BBS9: variants seen among roughly 807,000 people sequenced by gnomAD.
BBS9 encodes the protein protein PTHB1.
BBS9 carries 89 observed loss-of-function variants against 117.7 expected under a neutral mutation model. That is an observed-to-expected ratio of 0.76 (90% CI 0.64 to 0.90). BBS9 has a LOEUF of 0.90. Ranked by LOEUF, BBS9 falls within the 40% of genes least tolerant of loss-of-function variation. The probability of loss-of-function intolerance (pLI) is 0.00; values close to 1 mark genes in which losing one functional copy is unlikely to be tolerated. For missense variants in BBS9, 982 were observed against 1,042.2 expected (o/e 0.94, Z 0.80); for synonymous variants, 379 against 370.9 (o/e 1.02, Z -0.25).
At chr7:33,623,537 G>A (rs2129224238) in intron 21 of BBS9, among the ~76,000 whole-genome samples, 1 of 152,112 alleles carries the variant, frequency 6.6e-6, no homozygotes, top group Non-Finnish European at 1.5e-5. Context: ...GTATAACTTA[G>A]AGAAAATCTT....
chr7:33,512,753 A>T (rs896668781), intron 20 of BBS9, among the ~76,000 whole-genome samples: 13 of 152,294 alleles, frequency 8.5e-5, no homozygotes, highest in Non-Finnish European at 1.0e-4. Flanking sequence ...TAAAAGCAGC[A>T]CGCCCGCTGT....
chr7:33,528,298 C>T (rs1162503034), intron 20 of BBS9, among the ~76,000 whole-genome samples: 1 of 152,066 alleles, frequency 6.6e-6, no homozygotes. Context: ...GCCACAAAAT[C>T]TCCATTTGTT....
intron 21 of BBS9, among the ~76,000 whole-genome samples, chr7:33,541,309 A>G (rs891086821): frequency 1.3e-5 from 2 of 152,076 alleles, no homozygotes; most frequent in African/African-American, 2.4e-5. Flanking sequence ...TACTCTCCAT[A>G]TTCAGCCAGT....
chr7:33,305,203 T>C (rs1218765061), intron 9 of BBS9, among the ~76,000 whole-genome samples: 2 of 152,038 alleles, frequency 1.3e-5, no homozygotes, highest in Admixed American at 6.5e-5. Context: ...AGATGTATCA[T>C]ATTGATCATT....
chr7:33,204,406 C>CAAA (rs569185367), intron 5 of BBS9, among the ~76,000 whole-genome samples: 3,411 of 133,930 alleles, frequency 0.025, 170 homozygotes, highest in African/African-American at 0.088. Flanking sequence ...GACTCCATCT[C>CAAA]AAAAAAAAAA....
intron 19 of BBS9, among the ~76,000 whole-genome samples, chr7:33,493,373 G>A (rs756320922): frequency 5.2e-4 from 79 of 152,100 alleles, no homozygotes; most frequent in Admixed American, 1.2e-3. Flanking sequence ...CACACTTGAT[G>A]TGGCACACTA....
chr7:33,259,088 T>C (rs895250152), intron 6 of BBS9, among the ~76,000 whole-genome samples: 8 of 152,222 alleles, frequency 5.3e-5, no homozygotes, highest in African/African-American at 1.7e-4. Context: ...TCAACTTTAA[T>C]AGATTATATT....
intron 21 of BBS9, among the ~76,000 whole-genome samples, chr7:33,601,503 A>G (rs2129200534): frequency 6.6e-6 from 1 of 152,238 alleles, no homozygotes; most frequent in African/African-American, 2.4e-5. Context: ...TTAACCTTAA[A>G]TTTTTAACAA....
At chr7:33,168,847 A>T (rs1282780367) in intron 4 of BBS9, among the ~76,000 whole-genome samples, 1 of 152,106 alleles carries the variant, frequency 6.6e-6, no homozygotes, top group Non-Finnish European at 1.5e-5. Flanking sequence ...TTTAGGGTAC[A>T]TGTGCACATT....
intron 19 of BBS9, among the ~76,000 whole-genome samples, chr7:33,411,609 C>T (rs912585733): frequency 6.6e-6 from 1 of 152,036 alleles, no homozygotes; most frequent in Non-Finnish European, 1.5e-5. Context: ...AATTAAACTT[C>T]TATTGATTCA....
intron 17 of BBS9, among the ~76,000 whole-genome samples, chr7:33,371,513 G>C (rs1232970700): frequency 6.6e-6 from 1 of 152,122 alleles, no homozygotes; most frequent in Non-Finnish European, 1.5e-5. Flanking sequence ...TAATTTAAAT[G>C]ATTGAGTTCA....
intron 19 of BBS9, among the ~76,000 whole-genome samples, chr7:33,422,546 C>T (rs1189961410): frequency 6.6e-6 from 1 of 152,092 alleles, no homozygotes; most frequent in Admixed American, 6.5e-5. Context: ...CCCAACTTTT[C>T]CTGCTTTCTA....
intron 9 of BBS9, among the ~76,000 whole-genome samples, chr7:33,291,873 C>G (rs779898033): frequency 6.6e-6 from 1 of 152,162 alleles, no homozygotes; most frequent in Non-Finnish European, 1.5e-5. Flanking sequence ...TTTTCTATAG[C>G]TGGGACTGGA....
At chr7:33,358,126 G>T in intron 16 of BBS9, 131 bp downstream of exon 16, 1 of 1,185,652 alleles carries the variant, frequency 8.4e-7, no homozygotes, top group Non-Finnish European at 1.2e-6. Context: ...ATGCCTCAAG[G>T]ATTTTTCCCT....
At chr7:33,207,495 A>T (rs554409377) in intron 5 of BBS9, among the ~76,000 whole-genome samples, 1 of 149,294 alleles carries the variant, frequency 6.7e-6, no homozygotes, top group African/African-American at 2.4e-5. Flanking sequence ...GGCCAGTGGG[A>T]GCCTCTTTAA....
At chr7:33,526,580 C>T (rs1849537402) in intron 20 of BBS9, among the ~76,000 whole-genome samples, 1 of 150,266 alleles carries the variant, frequency 6.7e-6, no homozygotes, top group South Asian at 2.2e-4. Flanking sequence ...AGTTCTCGAG[C>T]CTTGGTTTTC....
intron 21 of BBS9, among the ~76,000 whole-genome samples, chr7:33,596,299 C>CACACACATACAT (rs1491153351): frequency 2.5e-4 from 36 of 143,454 alleles, no homozygotes; most frequent in Admixed American, 1.1e-3. Flanking sequence ...CACACACACA[C>CACACACATACAT]TTATATATGT....
chr7:33,281,056 A>G (rs974528526), intron 9 of BBS9, among the ~76,000 whole-genome samples: 8 of 151,726 alleles, frequency 5.3e-5, no homozygotes, highest in South Asian at 2.1e-4. Flanking sequence ...TAAGGTATAA[A>G]TTCTGATATT....
At chr7:33,240,635 A>G (rs6944559) in intron 5 of BBS9, among the ~76,000 whole-genome samples, 17,410 of 152,246 alleles carry the variant, frequency 0.11, 1,175 homozygotes, top group African/African-American at 0.18. Context: ...ATTGAGTTCC[A>G]TGAAAAAAAT....
Sources: gnomAD v4.1 joint callset for allele counts (sites outside exome capture counted in the v4.1 genomes callset) on GRCh38, gnomAD v4.1.1 for gene constraint, MANE v1.5 for transcripts, NCBI Gene and HGNC (gene_info 2026-07-23, HGNC 2026-07-21) for gene names.